Variants in LRPAP1 observed in about 807,000 individuals in gnomAD.
LRPAP1 encodes the protein alpha-2-macroglobulin receptor-associated protein.
LRPAP1 carries 41 observed loss-of-function variants against 39.9 expected under a neutral mutation model. The observed-to-expected ratio is 1.03, with a 90% CI of 0.80 to 1.33. LRPAP1 has a LOEUF of 1.33. Ranked by LOEUF, LRPAP1 falls within the 40% of genes most tolerant of loss-of-function variation. The pLI is 0.00. For synonymous variants in LRPAP1, 263 were observed against 212.7 expected, an observed-to-expected ratio of 1.24 and a Z score of -2.06; for missense variants, 565 against 482.3, an observed-to-expected ratio of 1.17 and a Z score of -1.61.
At chr4:3,525,080 C>T in intron 1 of LRPAP1, 29 bp from the exon 2 acceptor site, 2 of 1,612,888 alleles carry the variant, frequency 1.2e-6, no homozygotes, top group South Asian at 1.1e-5. Context: ...AGCCTGTGAG[C>T]CACGAGCAGG....
intron 2 of LRPAP1, among the ~76,000 whole-genome samples, chr4:3,521,751 G>T (rs1486742439): frequency 6.6e-6 from 1 of 152,238 alleles, no homozygotes; most frequent in Non-Finnish European, 1.5e-5. Flanking sequence ...GTCAAGAGCT[G>T]CTGGCGCTGG....
chr4:3,531,799 A>G (rs1380087848), intron 1 of LRPAP1, among the ~76,000 whole-genome samples: 1 of 152,260 alleles, frequency 6.6e-6, no homozygotes, highest in Non-Finnish European at 1.5e-5. Flanking sequence ...GTCCCTGGAC[A>G]CGTCTTTCTA....
chr4:3,512,881 CCT>C lies in LRPAP1; in HGVS notation c.*91_*92del. Reference sequence around the variant, plus strand: ...CGACACCCGTGCCAGCCCCAGCCACCCTGACGGCGGGCTGTCCACGGAAATGC... The same window carrying C: ...CGACACCCGTGCCAGCCCCAGCCACCGACGGCGGGCTGTCCACGGAAATGC... On this transcript the variant is annotated 3_prime_UTR_variant, in exon 8 of 8. Transcript: ENST00000650182. 8.5e-7 allele frequency: 1 copy of C among 1,171,850 alleles called. No individual in the cohort carries two copies. The highest frequency in any genetic ancestry group is 1.2e-6 in the Non-Finnish European group (1 of 826,304). 72.6% of individuals were successfully genotyped at this position (1,171,850 alleles called of 1,614,324 possible). A position where few individuals can be genotyped will look rare whatever the true frequency, so the allele number is the denominator to read the frequency against.
chr4:3,526,891 CCA>C (rs1470630492), intron 1 of LRPAP1, among the ~76,000 whole-genome samples: 2 of 152,178 alleles, frequency 1.3e-5, no homozygotes, highest in Admixed American at 6.5e-5. Flanking sequence ...GCTGCCCTAG[CCA>C]CACAGGCCCC....
rs988495136 is a variant in LRPAP1 at position 3,505,580 on chromosome 4, T to C, written c.*7394A>G. ...ACCATGGCTGAGGTGCGCTTCCAGC[T>C]GCACCAGCAGCCCACACGCCTCCTG... is the stretch of plus-strand genomic sequence containing the variant. On this transcript the variant is annotated 3_prime_UTR_variant, in exon 8 of 8. Coordinates refer to ENST00000650182, the MANE Select transcript of LRPAP1 (RefSeq NM_002337.4). Among the ~76,000 whole-genome samples the C allele has an allele frequency of 5.9e-5, 9 of 152,212 alleles. No individual in the cohort carries two copies. Among genetic ancestry groups the C allele is most frequent in the Non-Finnish European group, 1.2e-4 (8 of 68,032 alleles).
chr4:3,518,307 G>A (rs1218850378), intron 4 of LRPAP1, 115 bp from the exon 5 acceptor site: 2 of 1,153,554 alleles, frequency 1.7e-6, no homozygotes, highest in Non-Finnish European at 2.4e-6. Flanking sequence ...TTTCTGGGCT[G>A]AAAATGTCCC....
At position 3,510,447 on chromosome 4, in the gene LRPAP1, A is replaced by C. The variant is rs1366124745; in HGVS notation, c.*2527T>G. On this transcript the variant is annotated 3_prime_UTR_variant, in exon 8 of 8. Coordinates refer to ENST00000650182, the MANE Select transcript of LRPAP1 (RefSeq NM_002337.4). ...AGGGACAGAGCAAGACCTTGTCTAAAGTGTGGCAATGGCAAGAGCGTAAGG... is the reference window on the plus strand; with the variant it reads ...AGGGACAGAGCAAGACCTTGTCTAACGTGTGGCAATGGCAAGAGCGTAAGG... The C allele has an allele frequency of 6.6e-6, 1 of 152,274 alleles. No homozygotes were observed. The highest frequency in any genetic ancestry group is 2.4e-5 in the African/African-American group (1 of 41,456). 9.4% of individuals were successfully genotyped at this position (152,274 alleles called of 1,614,324 possible).
rs923070866 is a variant in LRPAP1 at position 3,510,034 on chromosome 4, A to G, written c.*2940T>C. The G allele has an allele frequency of 1.3e-5, 2 of 152,252 alleles. No individual in the cohort carries two copies. The highest frequency in any genetic ancestry group is 2.9e-5 in the Non-Finnish European group (2 of 68,044). 9.4% of individuals were successfully genotyped at this position (152,252 alleles called of 1,614,324 possible). Reference sequence around the variant, plus strand: ...CTGATTGTAAAACATATATGGAAACACCAAGGACATAAACAGCCACAAGAA... The same window carrying G: ...CTGATTGTAAAACATATATGGAAACGCCAAGGACATAAACAGCCACAAGAA... On this transcript the variant is annotated 3_prime_UTR_variant, in exon 8 of 8. Transcript: ENST00000650182.
At chr4:3,525,160 A>G (rs1487904768) in intron 1 of LRPAP1, 109 bp from the exon 2 acceptor site, 3 of 1,277,852 alleles carry the variant, frequency 2.3e-6, no homozygotes, top group Admixed American at 1.7e-5. Flanking sequence ...GGAGACCAGG[A>G]AGAGGTGGAG....
At chr4:3,528,714 G>A (rs1730151141) in intron 1 of LRPAP1, among the ~76,000 whole-genome samples, 1 of 152,192 alleles carries the variant, frequency 6.6e-6, no homozygotes, top group Non-Finnish European at 1.5e-5. Flanking sequence ...TCTCACCACG[G>A]CAGGTGGCAT....
intron 7 of LRPAP1, among the ~76,000 whole-genome samples, chr4:3,514,013 C>T (rs1044709921): frequency 6.6e-6 from 1 of 152,224 alleles, no homozygotes; most frequent in Non-Finnish European, 1.5e-5. Flanking sequence ...AAGCTAGGTG[C>T]ACGCTAGCAT....
At position 3,523,727 on chromosome 4, in the gene LRPAP1, C is replaced by T. The variant is rs982594764; in HGVS notation, c.349+1180G>A. Among the ~76,000 whole-genome samples, 6 of 152,230 alleles carry T rather than the reference C, an allele frequency of 3.9e-5. No individual in the cohort carries two copies. The South Asian group carries it at 6.2e-4, about 16-fold the overall frequency. On this transcript the variant is annotated intron_variant, in intron 2 of 7. Coordinates refer to ENST00000650182, the MANE Select transcript of LRPAP1 (RefSeq NM_002337.4). The stretch of plus-strand genomic sequence containing the variant: ...CCTCCTCTCTTTACCAGAGACAACC[C>T]GGGCGCTGCAATGCCTGAGGCCATC...
At chr4:3,529,487 C>T (rs1444509605) in intron 1 of LRPAP1, among the ~76,000 whole-genome samples, 1 of 152,186 alleles carries the variant, frequency 6.6e-6, no homozygotes, top group Non-Finnish European at 1.5e-5. Context: ...ATCAACACAA[C>T]ACACAGAGCT....
Position 3,520,168 on chromosome 4 carries a change from G to T in LRPAP1, c.375C>A (p.Asp125Glu), listed in dbSNP as rs150108954. ...LNVILAKYGL[D>E]GKKDARQVTS... is the part of the protein sequence containing the mutation. The stretch of plus-strand genomic sequence containing the variant: ...TCACCTGCCGAGCGTCCTTCTTTCC[G>T]TCCAGACCATACTTGGCCAAGATGA... Residue 125 changes from aspartate (D) to glutamate (E), a missense_variant, in exon 3 of 8, where the codon GAC becomes GAA. Coordinates refer to ENST00000650182, the MANE Select transcript of LRPAP1 (RefSeq NM_002337.4). The T allele has an allele frequency of 1.8e-4, 284 of 1,613,982 alleles. No homozygotes were observed. Among genetic ancestry groups the T allele is most frequent in the Admixed American group, 3.0e-4 (18 of 59,986 alleles).
At chr4:3,521,849 T>C (rs1729919216) in intron 2 of LRPAP1, among the ~76,000 whole-genome samples, 2 of 152,172 alleles carry the variant, frequency 1.3e-5, no homozygotes, top group African/African-American at 4.8e-5. Context: ...GAAATAACTA[T>C]TTTAGGCCGG....
At chr4:3,519,052 T>G in intron 3 of LRPAP1, 61 bp from the exon 4 acceptor site, 1 of 1,585,710 alleles carries the variant, frequency 6.3e-7, no homozygotes, top group Non-Finnish European at 8.6e-7. Context: ...AGGGCCGCTC[T>G]TCAGCCAACC....
chr4:3,520,239 A>C, intron 2 of LRPAP1, 46 bp from the exon 3 acceptor site: 1 of 1,592,390 alleles, frequency 6.3e-7, no homozygotes, highest in Non-Finnish European at 8.6e-7. Context: ...CCTGTGAAAA[A>C]CAGTCAAAAG....
intron 7 of LRPAP1, among the ~76,000 whole-genome samples, chr4:3,514,285 A>G (rs1272831494): frequency 2.6e-5 from 4 of 152,202 alleles, no homozygotes; most frequent in African/African-American, 9.6e-5. Context: ...TCCCTCCAGA[A>G]AGAACTTGGC....
intron 1 of LRPAP1, chr4:3,531,895 A>AG (rs1372421786): frequency 1.3e-5 from 6 of 452,490 alleles, no homozygotes; most frequent in African/African-American, 1.0e-4. Flanking sequence ...GAGACCTGTG[A>AG]TCTAGCCTGG....
Sources: allele counts gnomAD v4.1 joint callset (sites outside exome capture counted in the v4.1 genomes callset), GRCh38; gene constraint gnomAD v4.1.1; transcripts MANE v1.5; gene names NCBI Gene and HGNC (gene_info 2026-07-23, HGNC 2026-07-21).